Variants in SMOC2 observed in about 807,000 individuals in gnomAD.
The protein encoded by SMOC2 is SPARC-related modular calcium-binding protein 2.
Under a neutral mutation model 61.4 loss-of-function variants are expected in SMOC2, and 39 were observed. The ratio of observed to expected loss-of-function variants is 0.64; its 90% confidence interval spans 0.49 to 0.83. The LOEUF (loss-of-function observed/expected upper bound fraction) is 0.83. SMOC2 is among the 40% of genes least tolerant of loss of function. The pLI, the probability that SMOC2 is intolerant of heterozygous loss-of-function variation, is 0.00. For missense variants in SMOC2, 556 were observed against 592.9 expected, an observed-to-expected ratio of 0.94 and a Z score of 0.65; for synonymous variants, 247 against 239.9, an observed-to-expected ratio of 1.03 and a Z score of -0.27.
chr6:168,578,475 T>C (rs1316271575), intron 7 of SMOC2, among the ~76,000 whole-genome samples: 1 of 152,132 alleles, frequency 6.6e-6, no homozygotes, highest in Non-Finnish European at 1.5e-5. Flanking sequence ...TGAATTTGAG[T>C]TTGTTCATCT....
intron 1 of SMOC2, among the ~76,000 whole-genome samples, chr6:168,479,632 G>A (rs972435000): frequency 2.0e-5 from 3 of 152,232 alleles, no homozygotes; most frequent in Admixed American, 6.5e-5. Flanking sequence ...CAACCTTGCG[G>A]TGAAAGCTGT....
intron 12 of SMOC2, among the ~76,000 whole-genome samples, chr6:168,665,581 G>A (rs1457804683): frequency 6.6e-6 from 1 of 152,250 alleles, no homozygotes; most frequent in Non-Finnish European, 1.5e-5. Context: ...TTCAGCTTCC[G>A]CTGCCACTCC....
chr6:168,460,309 A>G (rs1262242915), intron 1 of SMOC2, among the ~76,000 whole-genome samples: 4 of 152,232 alleles, frequency 2.6e-5, no homozygotes, highest in Admixed American at 1.3e-4. Context: ...TCTACAAGCA[A>G]TGTAACAACA....
At chr6:168,505,511 G>T (rs143168107) in intron 1 of SMOC2, among the ~76,000 whole-genome samples, 1 of 150,546 alleles carries the variant, frequency 6.6e-6, no homozygotes. Context: ...CTCAGATGCC[G>T]GATGAATGAC....
intron 1 of SMOC2, among the ~76,000 whole-genome samples, chr6:168,467,564 T>C (rs1383235257): frequency 6.6e-6 from 1 of 152,140 alleles, no homozygotes; most frequent in Non-Finnish European, 1.5e-5. Flanking sequence ...CGCCTCGGCC[T>C]CCCAAAGTGC....
chr6:168,614,177 GCC>G lies in SMOC2; in HGVS notation c.907+5939_907+5940del, dbSNP rs1413229872. On this transcript the variant is annotated intron_variant, in intron 9 of 12. Transcript: ENST00000356284. ...TTCACACCTACAGCCAGCACAGGGG[GCC>G]TCTTCACACCTACAGCCAGCACAGA... Among the ~76,000 whole-genome samples the G allele has an allele frequency of 5.4e-5, 3 of 55,936 alleles. 1 individual carries two copies. The highest frequency in any genetic ancestry group is 9.8e-5 in the Non-Finnish European group (3 of 30,672). The allele number at this position is 55,936 out of a possible 152,430, so 36.7% of individuals were successfully genotyped here.
Position 168,553,199 on chromosome 6 carries a change from C to T in SMOC2, c.637+3996C>T, listed in dbSNP as rs2115112183. On this transcript the variant is annotated intron_variant, in intron 7 of 12. Transcript: ENST00000356284. This position sits in a 1 kb window ranked among gnomAD's most constrained non-coding sequence, Gnocchi z 4.2. ...TTGGCTCATTTAGTAAGAAAATCAT[C>T]ACTTTCATCATGTGAATCATATACA... is the stretch of plus-strand genomic sequence containing the variant. Among the ~76,000 whole-genome samples the T allele has an allele frequency of 6.6e-6, 1 of 152,250 alleles. No individual in the cohort carries two copies. The highest frequency in any genetic ancestry group is 1.9e-4 in the East Asian group (1 of 5,182).
At chr6:168,543,556 A>G in intron 4 of SMOC2, 69 bp from the exon 5 acceptor site, 5 of 1,375,388 alleles carry the variant, frequency 3.6e-6, no homozygotes, top group Non-Finnish European at 5.1e-6. Flanking sequence ...ATATGTGCAT[A>G]ACTTAATTTG....
intron 1 of SMOC2, among the ~76,000 whole-genome samples, chr6:168,490,005 C>G (rs537503387): frequency 8.6e-5 from 13 of 151,986 alleles, no homozygotes; most frequent in South Asian, 2.1e-4. Context: ...CATCTGGGTC[C>G]CCTTGGATCA....
chr6:168,478,582 A>G (rs1782139907), intron 1 of SMOC2, among the ~76,000 whole-genome samples: 1 of 152,234 alleles, frequency 6.6e-6, no homozygotes, highest in Non-Finnish European at 1.5e-5. Context: ...TAAGGGGTCC[A>G]TTTGAGGTAA....
At chr6:168,485,127 CA>C (rs1161545584) in intron 1 of SMOC2, among the ~76,000 whole-genome samples, 4 of 151,788 alleles carry the variant, frequency 2.6e-5, no homozygotes, top group African/African-American at 9.7e-5. Context: ...TACCATAATA[CA>C]AATAATTGAA....
intron 7 of SMOC2, among the ~76,000 whole-genome samples, chr6:168,558,181 A>G (rs1784292106): frequency 6.6e-6 from 1 of 152,198 alleles, no homozygotes; most frequent in Non-Finnish European, 1.5e-5. Context: ...GAACCAGGAG[A>G]GCGGCTGTGT....
chr6:168,534,701 T>G (rs1562333288), intron 4 of SMOC2, among the ~76,000 whole-genome samples: 1 of 152,232 alleles, frequency 6.6e-6, no homozygotes, highest in Non-Finnish European at 1.5e-5. Flanking sequence ...AATGCTTGTG[T>G]TTTTTATAAT....
intron 1 of SMOC2, 45 bp from the exon 2 acceptor site, chr6:168,509,870 G>C: frequency 6.4e-7 from 1 of 1,570,150 alleles, no homozygotes; most frequent in South Asian, 1.2e-5. Flanking sequence ...CTGCTCTGAA[G>C]AATGTGTCTT....
chr6:168,663,318 G>A lies in SMOC2; in HGVS notation c.1286-756G>A, dbSNP rs746712190. ...AGGAGACGGACAGCACAGCTCCCTC[G>A]GGCTTTGACTCTACTCGAAGCTTTG... is the stretch of plus-strand genomic sequence containing the variant. On this transcript the variant is annotated intron_variant, in intron 11 of 12. Transcript: ENST00000356284. 5.9e-5 allele frequency among the ~76,000 whole-genome samples: 9 copies of A among 152,152 alleles called. No homozygotes were observed. In the South Asian group the frequency reaches 1.2e-3, roughly 21 times the overall value.
At chr6:168,595,817 G>T (rs1785316379) in intron 7 of SMOC2, among the ~76,000 whole-genome samples, 1 of 152,088 alleles carries the variant, frequency 6.6e-6, no homozygotes. Flanking sequence ...ATCTTATTTT[G>T]CTTATGATAA....
At chr6:168,661,069 G>A (rs1217829023) in intron 11 of SMOC2, among the ~76,000 whole-genome samples, 2 of 151,832 alleles carry the variant, frequency 1.3e-5, no homozygotes, top group Non-Finnish European at 2.9e-5. Context: ...TTGTGGTCTT[G>A]GATACATATT....
intron 1 of SMOC2, among the ~76,000 whole-genome samples, chr6:168,506,840 C>T (rs563570761): frequency 1.3e-5 from 2 of 152,272 alleles, no homozygotes; most frequent in African/African-American, 4.8e-5. Context: ...GACTCTCAAC[C>T]GAGTTCTTTT....
chr6:168,528,059 A>T (rs1783497224), intron 4 of SMOC2, among the ~76,000 whole-genome samples: 1 of 152,254 alleles, frequency 6.6e-6, no homozygotes, highest in African/African-American at 2.4e-5. Flanking sequence ...TGGAGTCACC[A>T]GTGGAAATGA....
Sources: allele counts gnomAD v4.1 joint callset (sites outside exome capture counted in the v4.1 genomes callset), GRCh38; gene constraint gnomAD v4.1.1; non-coding constraint Gnocchi (gnomAD v3.1); transcripts MANE v1.5; gene names NCBI Gene and HGNC (gene_info 2026-07-23, HGNC 2026-07-21).